ACTR3C: variants seen among roughly 807,000 people sequenced by gnomAD.
ACTR3C encodes the protein actin related protein 3C.
In ACTR3C, 18 loss-of-function variants were observed where a neutral mutation model predicts 26.3. That is an observed-to-expected ratio of 0.68 (90% CI 0.47 to 1.01). The LOEUF (loss-of-function observed/expected upper bound fraction) is 1.01. Among genes scored for constraint, ACTR3C ranks in the 50% least tolerant of loss-of-function variants. The pLI is 0.00. For synonymous variants in ACTR3C, 55 were observed against 94.5 expected, an observed-to-expected ratio of 0.58 and a Z score of 2.42; for missense variants, 184 against 250.7, an observed-to-expected ratio of 0.73 and a Z score of 1.80.
intron 3 of ACTR3C, among the ~76,000 whole-genome samples, chr7:150,289,871 C>T (rs1294699094): frequency 6.6e-6 from 1 of 152,100 alleles, no homozygotes; most frequent in Non-Finnish European, 1.5e-5. Flanking sequence ...AAAGAAAAAC[C>T]ACATAAGATA....
the ACTR3C span, among the ~76,000 whole-genome samples, chr7:149,885,127 G>A: frequency 6.6e-6 from 1 of 152,158 alleles, no homozygotes; most frequent in Non-Finnish European, 1.5e-5. Flanking sequence ...CCTGCTCCTG[G>A]CCATGACAAC....
the ACTR3C span, among the ~76,000 whole-genome samples, chr7:150,039,006 CGGG>C: frequency 4.0e-5 from 1 of 24,942 alleles, no homozygotes; most frequent in African/African-American, 8.2e-5. Context: ...AGCCGGGGGG[CGGG>C]GAAGAGGGTC....
At chr7:150,292,593 C>T (rs1428822717) in intron 3 of ACTR3C, among the ~76,000 whole-genome samples, 7 of 151,452 alleles carry the variant, frequency 4.6e-5, no homozygotes, top group African/African-American at 1.5e-4. Flanking sequence ...CTCCATCTCC[C>T]GGGTTCAAGC....
chr7:150,201,624 G>T, the ACTR3C span, among the ~76,000 whole-genome samples: 1 of 151,700 alleles, frequency 6.6e-6, no homozygotes, highest in Non-Finnish European at 1.5e-5. Context: ...CAGGTGTTAT[G>T]GTAGGCACCT....
At chr7:150,311,015 G>A (rs895435403) in intron 1 of ACTR3C, among the ~76,000 whole-genome samples, 1 of 151,906 alleles carries the variant, frequency 6.6e-6, no homozygotes, top group Non-Finnish European at 1.5e-5. Flanking sequence ...CCCCTATCCC[G>A]ACCACCAAAC....
the ACTR3C span, among the ~76,000 whole-genome samples, chr7:149,912,223 T>G: frequency 1.3e-5 from 2 of 151,380 alleles, no homozygotes; most frequent in Non-Finnish European, 2.9e-5. Flanking sequence ...CAAAGTTTTG[T>G]ACCCTGAAAT....
the ACTR3C span, among the ~76,000 whole-genome samples, chr7:149,991,654 T>G: frequency 6.6e-6 from 1 of 152,268 alleles, no homozygotes; most frequent in Non-Finnish European, 1.5e-5. Flanking sequence ...CCACTTGCCT[T>G]CTTTGACACA....
chr7:149,982,162 A>G, the ACTR3C span, among the ~76,000 whole-genome samples: 1 of 152,168 alleles, frequency 6.6e-6, no homozygotes, highest in Admixed American at 6.5e-5. Context: ...ATTAATTATA[A>G]CATCAGTATG....
chr7:149,985,917 C>T, the ACTR3C span, among the ~76,000 whole-genome samples: 1 of 152,174 alleles, frequency 6.6e-6, no homozygotes, highest in African/African-American at 2.4e-5. Context: ...CATGCACCCT[C>T]CTCTCCATCC....
At chr7:149,901,764 A>G in the ACTR3C span, among the ~76,000 whole-genome samples, 1 of 151,950 alleles carries the variant, frequency 6.6e-6, no homozygotes, top group Non-Finnish European at 1.5e-5. Context: ...AATTACAAAA[A>G]TCAGCCAGGC....
At chr7:149,924,375 CA>C in the ACTR3C span, among the ~76,000 whole-genome samples, 1 of 151,796 alleles carries the variant, frequency 6.6e-6, no homozygotes, top group Non-Finnish European at 1.5e-5. Flanking sequence ...AACTCTGACT[CA>C]AAAAAATGAA....
At chr7:149,898,934 A>T in the ACTR3C span, among the ~76,000 whole-genome samples, 1 of 151,898 alleles carries the variant, frequency 6.6e-6, no homozygotes. Context: ...TAAATAATCT[A>T]TGTCACCCAA....
chr7:149,909,370 A>G, the ACTR3C span, among the ~76,000 whole-genome samples: 35 of 138,102 alleles, frequency 2.5e-4, no homozygotes, highest in South Asian at 2.3e-3. Context: ...TAAAATTACA[A>G]ATTTACCTTA....
the ACTR3C span, among the ~76,000 whole-genome samples, chr7:150,040,212 C>G: frequency 1.1e-4 from 17 of 148,034 alleles, no homozygotes; most frequent in Non-Finnish European, 4.5e-5. Context: ...TGCCAAGGCC[C>G]TCTAATAGGG....
chr7:150,185,845 G>A, the ACTR3C span, among the ~76,000 whole-genome samples: 1 of 152,146 alleles, frequency 6.6e-6, no homozygotes, highest in Admixed American at 6.5e-5. Context: ...TCCTTACGGG[G>A]CCCAGCCAGA....
the ACTR3C span, among the ~76,000 whole-genome samples, chr7:150,019,459 A>G: frequency 6.7e-6 from 1 of 148,932 alleles, no homozygotes; most frequent in East Asian, 1.9e-4. Flanking sequence ...GGGCATGGTG[A>G]TGCGTGCCTG....
At chr7:150,104,597 A>G in the ACTR3C span, among the ~76,000 whole-genome samples, 20 of 151,608 alleles carry the variant, frequency 1.3e-4, no homozygotes, top group African/African-American at 3.2e-4. Flanking sequence ...CTGTTAACTC[A>G]TCCATGGCAA....
the ACTR3C span, among the ~76,000 whole-genome samples, chr7:150,070,941 C>T: frequency 1.4e-5 from 2 of 148,080 alleles, no homozygotes; most frequent in African/African-American, 5.0e-5. Flanking sequence ...ACTACAGGCG[C>T]CCGCCACCAT....
chr7:150,169,507 G>A, the ACTR3C span, among the ~76,000 whole-genome samples: 1 of 150,186 alleles, frequency 6.7e-6, no homozygotes, highest in Non-Finnish European at 1.5e-5. Context: ...TCAGCAAGAA[G>A]CTTATCTGCT....
Sources: gnomAD v4.1 joint callset for allele counts (sites outside exome capture counted in the v4.1 genomes callset) on GRCh38, gnomAD v4.1.1 for gene constraint, MANE v1.5 for transcripts, NCBI Gene and HGNC (gene_info 2026-07-23, HGNC 2026-07-21) for gene names.